Variants in BRAF observed in about 807,000 individuals in gnomAD.
BRAF encodes the protein serine/threonine-protein kinase B-raf.
BRAF carries 16 observed loss-of-function variants against 104.6 expected under a neutral mutation model. The observed-to-expected ratio is 0.15, with a 90% CI of 0.10 to 0.23. The LOEUF is 0.23. Ranked by LOEUF, BRAF falls within the 10% of genes least tolerant of loss-of-function variation. BRAF has a pLI of 1.00. For missense variants in BRAF, 541 were observed against 937.3 expected, an observed-to-expected ratio of 0.58 and a Z score of 5.52; for synonymous variants, 310 against 341.6, an observed-to-expected ratio of 0.91 and a Z score of 1.02.
intron 17 of BRAF, 46 bp downstream of exon 16, chr7:140,749,241 T>G (rs1208397813): frequency 1.2e-6 from 2 of 1,608,296 alleles, no homozygotes; most frequent in Admixed American, 1.7e-5. Context: ...ACTGGAGCCT[T>G]GTATATAGAC....
At chr7:140,901,414 G>T (rs930438578) in intron 1 of BRAF, among the ~76,000 whole-genome samples, 1 of 152,088 alleles carries the variant, frequency 6.6e-6, no homozygotes, top group East Asian at 1.9e-4. Flanking sequence ...AAAATTTGCC[G>T]AGTGGAAAAA....
chr7:140,831,395 G>C (rs1280980646), intron 3 of BRAF, among the ~76,000 whole-genome samples: 1 of 152,146 alleles, frequency 6.6e-6, no homozygotes, highest in East Asian at 1.9e-4. Context: ...TACCCCACTG[G>C]ATTTCTCTGA....
Position 140,751,220 on chromosome 7 carries a change from CA to C in BRAF, c.1981-1803del, listed in dbSNP as rs140846784. 5.9e-5 allele frequency among the ~76,000 whole-genome samples: 9 copies of C among 152,238 alleles called. No homozygotes were observed. In the East Asian group the frequency reaches 1.5e-3, roughly 26 times the overall value. ...ATAAAACTTTATGTATAATAATCTACAAACTGTATAAACTAAGGTTTTTGAA... is the reference window on the plus strand; with the variant it reads ...ATAAAACTTTATGTATAATAATCTACAACTGTATAAACTAAGGTTTTTGAA... On this transcript the variant is annotated intron_variant, in intron 16 of 19. Coordinates refer to ENST00000644969, the MANE Select transcript of BRAF (RefSeq NM_001374258.1).
chr7:140,812,511 C>T (rs1290827045), intron 3 of BRAF, among the ~76,000 whole-genome samples: 1 of 152,166 alleles, frequency 6.6e-6, no homozygotes, highest in Admixed American at 6.5e-5. Flanking sequence ...TATGGCTATG[C>T]TCCCTCATGC....
intron 18 of BRAF, among the ~76,000 whole-genome samples, chr7:140,737,753 T>C (rs1796560263): frequency 6.6e-6 from 1 of 152,314 alleles, no homozygotes; most frequent in East Asian, 1.9e-4. Flanking sequence ...TCTTCAGCCA[T>C]CTAAAATTTA....
intron 1 of BRAF, among the ~76,000 whole-genome samples, chr7:140,888,851 T>C (rs1478084400): frequency 2.0e-5 from 3 of 151,702 alleles, no homozygotes; most frequent in Admixed American, 2.0e-4. Context: ...AAAAAAAAAT[T>C]CTAATCTAGT....
At chr7:140,832,014 G>A (rs1161810655) in intron 3 of BRAF, among the ~76,000 whole-genome samples, 3 of 151,992 alleles carry the variant, frequency 2.0e-5, no homozygotes, top group Non-Finnish European at 4.4e-5. Flanking sequence ...TTCTATTTTG[G>A]CTTATTTACG....
chr7:140,765,361 G>A (rs1225023134), intron 14 of BRAF, among the ~76,000 whole-genome samples: 2 of 151,716 alleles, frequency 1.3e-5, no homozygotes, highest in Non-Finnish European at 2.9e-5. Flanking sequence ...AGAAAACCTA[G>A]GCATTACCAT....
chr7:140,723,107 C>G lies in BRAF; in HGVS notation c.*3387G>C. ...GTTTTTTGTAGAGGTCACCTGAACC[C>G]TGCAATGTGGTTTCGAACTAAAGCT... On this transcript the variant is annotated 3_prime_UTR_variant, in exon 20 of 20. Transcript: ENST00000644969. 1 of 1,051,484 alleles carries G rather than the reference C, an allele frequency of 9.5e-7. No individual in the cohort carries two copies. Among genetic ancestry groups the G allele is most frequent in the Non-Finnish European group, 1.1e-6 (1 of 870,670 alleles). The allele number at this position is 1,051,484 out of a possible 1,614,324, so 65.1% of individuals were successfully genotyped here. A position where few individuals can be genotyped will look rare whatever the true frequency, so the allele number is the denominator to read the frequency against.
intron 1 of BRAF, among the ~76,000 whole-genome samples, chr7:140,919,663 TAAGA>T (rs1388299036): frequency 2.0e-5 from 3 of 152,100 alleles, no homozygotes; most frequent in Non-Finnish European, 2.9e-5. Flanking sequence ...ACAAAAAATT[TAAGA>T]AAGAAATGGA....
intron 1 of BRAF, among the ~76,000 whole-genome samples, chr7:140,867,168 C>T (rs989816309): frequency 6.6e-6 from 1 of 152,030 alleles, no homozygotes; most frequent in African/African-American, 2.4e-5. Context: ...ACTATTATTA[C>T]CCCTATTTTA....
At chr7:140,715,476 A>C (rs1795111840), downstream of BRAF, among the ~76,000 whole-genome samples, 1 of 152,096 alleles carries the variant, frequency 6.6e-6, no homozygotes, top group African/African-American at 2.4e-5. Flanking sequence ...AATATCAATA[A>C]AAGTTTTTTT....
At chr7:140,912,375 G>A (rs771884928) in intron 1 of BRAF, among the ~76,000 whole-genome samples, 4 of 152,058 alleles carry the variant, frequency 2.6e-5, no homozygotes, top group South Asian at 2.1e-4. Flanking sequence ...CACATACTCT[G>A]CTTAATGGCC....
chr7:140,840,620 A>G (rs1216098189), intron 2 of BRAF, among the ~76,000 whole-genome samples: 2 of 151,624 alleles, frequency 1.3e-5, no homozygotes, highest in African/African-American at 2.4e-5. Context: ...GCAAATCCCC[A>G]TCTCTACAAA....
chr7:140,871,358 G>T (rs1811576530), intron 1 of BRAF, among the ~76,000 whole-genome samples: 1 of 151,930 alleles, frequency 6.6e-6, no homozygotes, highest in Non-Finnish European at 1.5e-5. Context: ...GGACACTATG[G>T]CCAGAGACAG....
At chr7:140,897,619 C>T (rs1446120769) in intron 1 of BRAF, among the ~76,000 whole-genome samples, 5 of 149,418 alleles carry the variant, frequency 3.3e-5, no homozygotes, top group South Asian at 4.2e-4. Flanking sequence ...CTCAGGCTAT[C>T]GAGTATCTGG....
At chr7:140,794,263 T>A (rs201012020) in intron 8 of BRAF, 45 bp downstream of exon 8, 1 of 1,601,080 alleles carries the variant, frequency 6.2e-7, no homozygotes, top group African/African-American at 1.3e-5. Flanking sequence ...AAAATAAAGA[T>A]ACATACTTGG....
intron 18 of BRAF, 120 bp downstream of exon 17, chr7:140,739,692 C>G (rs1166239603): frequency 8.4e-7 from 1 of 1,187,676 alleles, no homozygotes; most frequent in Non-Finnish European, 1.2e-6. Flanking sequence ...GTTTTCTTGT[C>G]TGGAGTCTGC....
At chr7:140,770,954 AAAG>A (rs1374066938) in intron 14 of BRAF, among the ~76,000 whole-genome samples, 2 of 151,928 alleles carry the variant, frequency 1.3e-5, no homozygotes, top group East Asian at 3.9e-4. Flanking sequence ...AAAAACCAAA[AAAG>A]AAGATGATAA....
Sources: gnomAD v4.1 joint callset for allele counts (sites outside exome capture counted in the v4.1 genomes callset) on GRCh38, gnomAD v4.1.1 for gene constraint, MANE v1.5 for transcripts, NCBI Gene and HGNC (gene_info 2026-07-23, HGNC 2026-07-21) for gene names.